Variants in CCDC171 observed in about 807,000 individuals in gnomAD.
The protein encoded by CCDC171 is coiled-coil domain containing 171.
CCDC171 carries 177 observed loss-of-function variants against 168.2 expected under a neutral mutation model. That is an observed-to-expected ratio of 1.05 (90% CI 0.93 to 1.19). The LOEUF (loss-of-function observed/expected upper bound fraction) is 1.19. Ranked by LOEUF, CCDC171 falls within the 50% of genes most tolerant of loss-of-function variation. The pLI is 0.00. For synonymous variants in CCDC171, 687 were observed against 540.8 expected, an observed-to-expected ratio of 1.27 and a Z score of -3.75; for missense variants, 1,991 against 1,539.0, an observed-to-expected ratio of 1.29 and a Z score of -4.91.
the CCDC171 span, among the ~76,000 whole-genome samples, chr9:16,106,195 C>T: frequency 0.037 from 5,637 of 152,308 alleles, 347 homozygotes; most frequent in African/African-American, 0.13. Flanking sequence ...TTTCTCCTAA[C>T]AGGGGCCAGA....
At chr9:15,907,831 A>G (rs1178351386) in intron 24 of CCDC171, among the ~76,000 whole-genome samples, 1 of 152,244 alleles carries the variant, frequency 6.6e-6, no homozygotes, top group African/African-American at 2.4e-5. Context: ...AACCCCATCA[A>G]AAAGTGGGCA....
chr9:15,808,988 G>GGCA (rs1263078975), intron 21 of CCDC171, among the ~76,000 whole-genome samples: 7 of 152,024 alleles, frequency 4.6e-5, no homozygotes, highest in Non-Finnish European at 1.0e-4. Flanking sequence ...AAAGCGGCAA[G>GGCA]GCAGCTCTAG....
chr9:15,659,007 G>T (rs2048130972), intron 8 of CCDC171, among the ~76,000 whole-genome samples: 1 of 152,160 alleles, frequency 6.6e-6, no homozygotes, highest in South Asian at 2.1e-4. Flanking sequence ...ACCAAGGTTT[G>T]CAGTATGTGT....
chr9:15,699,322 G>A (rs1410551882), intron 11 of CCDC171, among the ~76,000 whole-genome samples: 2 of 152,088 alleles, frequency 1.3e-5, no homozygotes, highest in South Asian at 4.2e-4. Context: ...CGCGGTGAGT[G>A]TTACAGCTCA....
chr9:16,040,453 G>A (rs929018467), upstream of CCDC171, among the ~76,000 whole-genome samples: 2 of 152,130 alleles, frequency 1.3e-5, no homozygotes, highest in African/African-American at 2.4e-5. Flanking sequence ...CAGCTGGGAC[G>A]GCCCACCGCA....
At chr9:15,565,127 C>T (rs1008787302) in intron 2 of CCDC171, among the ~76,000 whole-genome samples, 5 of 145,286 alleles carry the variant, frequency 3.4e-5, no homozygotes, top group Admixed American at 1.4e-4. Flanking sequence ...CTTGCTCTGT[C>T]GCCCAGATTG....
chr9:15,749,376 G>T (rs1381530117), intron 18 of CCDC171, among the ~76,000 whole-genome samples: 2 of 152,116 alleles, frequency 1.3e-5, no homozygotes, highest in Admixed American at 6.5e-5. Context: ...AATAATGGGA[G>T]ACTTTAACAC....
chr9:16,068,701 A>G, the CCDC171 span, among the ~76,000 whole-genome samples: 3 of 152,142 alleles, frequency 2.0e-5, no homozygotes, highest in East Asian at 5.8e-4. Context: ...CGCAGTCAAC[A>G]TTGTACAGAG....
intron 6 of CCDC171, among the ~76,000 whole-genome samples, chr9:15,610,469 A>AAAAAACAAAAAAAAAAC (rs1564044138): frequency 7.3e-6 from 1 of 136,272 alleles, no homozygotes; most frequent in Non-Finnish European, 1.6e-5. Flanking sequence ...AAAAAAAAAA[A>AAAAAACAAAAAAAAAAC]AAAAAAAAAA....
intron 24 of CCDC171, among the ~76,000 whole-genome samples, chr9:15,908,187 T>C (rs1356977264): frequency 2.0e-5 from 3 of 152,060 alleles, no homozygotes; most frequent in Non-Finnish European, 4.4e-5. Context: ...ATCATGCTGC[T>C]ATAAAGACAC....
intron 25 of CCDC171, among the ~76,000 whole-genome samples, chr9:15,950,301 C>T (rs1184469296): frequency 6.6e-6 from 1 of 152,062 alleles, no homozygotes; most frequent in East Asian, 1.9e-4. Context: ...TCGAGAAGAG[C>T]AACTCCAAGA....
At chr9:15,585,059 A>T (rs1470778442) in intron 4 of CCDC171, among the ~76,000 whole-genome samples, 1 of 152,264 alleles carries the variant, frequency 6.6e-6, no homozygotes, top group African/African-American at 2.4e-5. Flanking sequence ...CTAAACACCT[A>T]TCAGGTGGCT....
At chr9:16,043,961 A>G (rs1442406587) in intron 1 of CCDC171, among the ~76,000 whole-genome samples, 1 of 152,206 alleles carries the variant, frequency 6.6e-6, no homozygotes, top group African/African-American at 2.4e-5. Flanking sequence ...AACCTAGCCA[A>G]GGAGAGAGAG....
intron 25 of CCDC171, among the ~76,000 whole-genome samples, chr9:15,959,375 A>G (rs955901890): frequency 6.6e-6 from 1 of 152,148 alleles, no homozygotes; most frequent in Non-Finnish European, 1.5e-5. Flanking sequence ...AGTTTCATCT[A>G]TCCTATTTTT....
intron 1 of CCDC171, among the ~76,000 whole-genome samples, chr9:16,054,489 A>C (rs1235715562): frequency 1.3e-5 from 2 of 151,890 alleles, no homozygotes; most frequent in Non-Finnish European, 2.9e-5. Context: ...TCCCATAAGC[A>C]CCTTTGTTGT....
intron 24 of CCDC171, 119 bp downstream of exon 24, chr9:15,874,782 T>G (rs1238555877): frequency 1.1e-6 from 1 of 944,322 alleles, no homozygotes; most frequent in Non-Finnish European, 1.5e-6. Context: ...CAAATAGATG[T>G]TTCTTCATTT....
intron 3 of CCDC171, among the ~76,000 whole-genome samples, chr9:16,013,375 G>A (rs954431852): frequency 3.9e-5 from 6 of 152,170 alleles, no homozygotes; most frequent in African/African-American, 1.2e-4. Context: ...ATTCCCAGGT[G>A]TAGTTCTCTT....
intron 21 of CCDC171, among the ~76,000 whole-genome samples, chr9:15,831,361 T>C (rs575456525): frequency 1.3e-5 from 2 of 152,226 alleles, no homozygotes; most frequent in East Asian, 1.9e-4. Context: ...AGCTAAAAAA[T>C]AGATCATGTA....
chr9:15,576,483 T>A (rs756862675), intron 3 of CCDC171, among the ~76,000 whole-genome samples: 6 of 152,130 alleles, frequency 3.9e-5, no homozygotes, highest in Non-Finnish European at 5.9e-5. Context: ...CCACCGCACC[T>A]GGCCAGCATT....
Sources: gnomAD v4.1 joint callset for allele counts (sites outside exome capture counted in the v4.1 genomes callset) on GRCh38, gnomAD v4.1.1 for gene constraint, MANE v1.5 for transcripts, NCBI Gene and HGNC (gene_info 2026-07-23, HGNC 2026-07-21) for gene names.